The following CA10 variants were observed in gnomAD, a reference collection of about 807,000 sequenced individuals.
The protein encoded by CA10 is carbonic anhydrase 10 (inactive).
In CA10, 14 loss-of-function variants were observed where a neutral mutation model predicts 44.2. That is an observed-to-expected ratio of 0.32 (90% CI 0.21 to 0.50). The LOEUF is 0.50. CA10 is among the 20% of genes least tolerant of loss of function. The probability of loss-of-function intolerance (pLI) is 0.99; values close to 1 mark genes in which losing one functional copy is unlikely to be tolerated. For synonymous variants in CA10, 159 were observed against 141.6 expected, an observed-to-expected ratio of 1.12 and a Z score of -0.87; for missense variants, 350 against 409.7, an observed-to-expected ratio of 0.85 and a Z score of 1.26.
chr17:52,008,895 C>A (rs899298622), intron 2 of CA10, among the ~76,000 whole-genome samples: 14 of 152,012 alleles, frequency 9.2e-5, no homozygotes, highest in South Asian at 2.1e-4. Flanking sequence ...TTCACCTTTC[C>A]CTCAGTTCCT....
chr17:51,836,511 C>T (rs1442675021), intron 3 of CA10, among the ~76,000 whole-genome samples: 2 of 152,230 alleles, frequency 1.3e-5, no homozygotes, highest in East Asian at 3.9e-4. Flanking sequence ...AGAGGTACCA[C>T]AGCACAGGCA....
At chr17:52,070,963 G>C (rs1244690067) in intron 2 of CA10, among the ~76,000 whole-genome samples, 1 of 151,978 alleles carries the variant, frequency 6.6e-6, no homozygotes, top group Admixed American at 6.6e-5. Flanking sequence ...ATACTCAAAA[G>C]GTACAAGAAT....
At chr17:51,733,585 G>A (rs188184436) in intron 4 of CA10, among the ~76,000 whole-genome samples, 101 of 152,292 alleles carry the variant, frequency 6.6e-4, no homozygotes, top group African/African-American at 2.3e-3. Flanking sequence ...CTCCAGAAGC[G>A]GCACTAGAGC....
At chr17:51,705,574 A>G (rs1915738487) in intron 4 of CA10, among the ~76,000 whole-genome samples, 1 of 151,858 alleles carries the variant, frequency 6.6e-6, no homozygotes, top group African/African-American at 2.4e-5. Context: ...AATTCCTCAT[A>G]CCCGGAGATG....
At chr17:51,873,369 A>G (rs1263743377) in intron 3 of CA10, among the ~76,000 whole-genome samples, 3 of 152,164 alleles carry the variant, frequency 2.0e-5, no homozygotes, top group Non-Finnish European at 4.4e-5. Flanking sequence ...TTTCCTATAA[A>G]GAATTGGAAA....
chr17:51,633,381 A>C, intron 8 of CA10, 95 bp downstream of exon 8: 1 of 1,170,722 alleles, frequency 8.5e-7, no homozygotes, highest in Non-Finnish European at 1.2e-6. Context: ...CATCATTCCT[A>C]TAATGGAAGA....
At chr17:52,152,398 TG>T (rs1245795534) in intron 1 of CA10, among the ~76,000 whole-genome samples, 2 of 152,110 alleles carry the variant, frequency 1.3e-5, no homozygotes, top group African/African-American at 4.8e-5. Flanking sequence ...GTGAATTTTT[TG>T]TTTCAGTTGG....
At chr17:51,925,315 A>C (rs1012072552) in intron 3 of CA10, among the ~76,000 whole-genome samples, 2 of 152,108 alleles carry the variant, frequency 1.3e-5, no homozygotes, top group Admixed American at 6.6e-5. Context: ...GTATTCCAAA[A>C]ACTTGTACTG....
intron 3 of CA10, among the ~76,000 whole-genome samples, chr17:51,748,203 G>C (rs1192865665): frequency 1.3e-5 from 2 of 152,226 alleles, no homozygotes; most frequent in Non-Finnish European, 2.9e-5. Flanking sequence ...TTAGCAAGGG[G>C]TGAGATATTA....
intron 3 of CA10, among the ~76,000 whole-genome samples, chr17:51,859,723 C>T (rs750067712): frequency 6.6e-6 from 1 of 152,106 alleles, no homozygotes; most frequent in Non-Finnish European, 1.5e-5. Flanking sequence ...ATTTATTTCA[C>T]AGGGTTTTTG....
chr17:51,852,373 C>T (rs1567861617), intron 3 of CA10, among the ~76,000 whole-genome samples: 1 of 152,018 alleles, frequency 6.6e-6, no homozygotes, highest in South Asian at 2.1e-4. Flanking sequence ...CAAAAAAGCC[C>T]CCATTAATTT....
intron 2 of CA10, among the ~76,000 whole-genome samples, chr17:51,975,070 A>C (rs1984416622): frequency 6.6e-6 from 1 of 152,172 alleles, no homozygotes; most frequent in African/African-American, 2.4e-5. Flanking sequence ...AGACTGCAGT[A>C]AGTTAAACAT....
intron 1 of CA10, among the ~76,000 whole-genome samples, chr17:52,078,073 A>G (rs534826866): frequency 1.3e-5 from 2 of 152,222 alleles, no homozygotes; most frequent in African/African-American, 4.8e-5. Context: ...CCCAAAGATG[A>G]TGTGATCTGG....
At chr17:51,671,949 T>C (rs1426529734) in intron 4 of CA10, among the ~76,000 whole-genome samples, 2 of 152,218 alleles carry the variant, frequency 1.3e-5, no homozygotes, top group Non-Finnish European at 1.5e-5. Flanking sequence ...CTCCATAGCC[T>C]GTAAGTAGTA....
chr17:51,820,418 C>CGA (rs1555602861), intron 3 of CA10, among the ~76,000 whole-genome samples: 1 of 71,870 alleles, frequency 1.4e-5, no homozygotes, highest in Middle Eastern at 6.7e-3. Flanking sequence ...CCCCCCCCCC[C>CGA]GCCCGCCGAT....
chr17:51,815,139 TCTGGG>T (rs1421870438), intron 3 of CA10, among the ~76,000 whole-genome samples: 1 of 151,896 alleles, frequency 6.6e-6, no homozygotes, highest in Non-Finnish European at 1.5e-5. Flanking sequence ...TTTGAAAGTA[TCTGGG>T]GACATTTTTG....
intron 2 of CA10, among the ~76,000 whole-genome samples, chr17:52,000,684 G>C (rs1985391975): frequency 6.6e-6 from 1 of 151,982 alleles, no homozygotes; most frequent in Non-Finnish European, 1.5e-5. Flanking sequence ...AATAATGATA[G>C]AGCTGATAAG....
intron 1 of CA10, among the ~76,000 whole-genome samples, chr17:52,114,744 C>G (rs575448064): frequency 3.6e-4 from 55 of 152,256 alleles, no homozygotes; most frequent in Non-Finnish European, 7.1e-4. Flanking sequence ...TATCTTACCC[C>G]ACTCCTTCCA....
At chr17:52,034,605 T>C (rs1026088444) in intron 2 of CA10, among the ~76,000 whole-genome samples, 5 of 152,170 alleles carry the variant, frequency 3.3e-5, no homozygotes, top group African/African-American at 1.2e-4. Context: ...AGTAGGGATC[T>C]GAAGCCAAGC....
Sources: gnomAD v4.1 joint callset for allele counts (sites outside exome capture counted in the v4.1 genomes callset) on GRCh38, gnomAD v4.1.1 for gene constraint, MANE v1.5 for transcripts, NCBI Gene and HGNC (gene_info 2026-07-23, HGNC 2026-07-21) for gene names.